HLA-DQA1: variants seen among roughly 807,000 people sequenced by gnomAD.
HLA-DQA1 encodes the protein HLA class II histocompatibility antigen, DQ alpha 1 chain.
Under a neutral mutation model 20.7 loss-of-function variants are expected in HLA-DQA1, and 10 were observed. The ratio of observed to expected loss-of-function variants is 0.48; its 90% CI spans 0.30 to 0.82. The LOEUF is 0.82. Ranked by LOEUF, HLA-DQA1 falls within the 40% of genes least tolerant of loss-of-function variation. The probability of loss-of-function intolerance (pLI) is 0.07; values close to 1 mark genes in which losing one functional copy is unlikely to be tolerated. For missense variants in HLA-DQA1, 127 were observed against 293.0 expected (o/e 0.43, Z 4.14); for synonymous variants, 39 against 109.2 (o/e 0.36, Z 4.01).
chr6:32,644,177 G>C (rs1781718070), downstream of HLA-DQA1: 1 of 150,732 alleles, frequency 6.6e-6, no homozygotes, highest in African/African-American at 2.4e-5. Context: ...TCCTCCACTG[G>C]ATTCGCCATC....
downstream of HLA-DQA1, among the ~76,000 whole-genome samples, chr6:32,647,845 T>C (rs1292315911): frequency 6.6e-6 from 1 of 151,996 alleles, no homozygotes. Context: ...TGGAGTACCA[T>C]TATAGCAATA....
downstream of HLA-DQA1, among the ~76,000 whole-genome samples, chr6:32,650,844 TATAATAATA>T (rs199519440): frequency 2.9e-3 from 182 of 63,598 alleles, 50 homozygotes; most frequent in South Asian, 0.038. Flanking sequence ...GAGCTTAAAG[TATAATAATA>T]ATAATAATAA....
intron 1 of HLA-DQA1, chr6:32,639,323 T>C (rs1479270085): frequency 7.9e-6 from 1 of 127,090 alleles, no homozygotes; most frequent in Non-Finnish European, 1.7e-5. Flanking sequence ...TATATTGTCT[T>C]TATACCAATT....
In HLA-DQA1 at chr6:32,643,462, G is replaced by T; in HGVS notation, c.*531G>T. ...ACATTAATATTTCTTGCTTCCTTGT[G>T]TTCCCACCCTTGGCACTGCCACCCA... On this transcript the variant is annotated 3_prime_UTR_variant, in exon 5 of 5. Transcript: ENST00000343139. 1 of 215,674 alleles carries T rather than the reference G, an allele frequency of 4.6e-6. No homozygotes were observed. The highest frequency in any genetic ancestry group is 9.4e-6 in the Non-Finnish European group (1 of 105,888). The allele number at this position is 215,674 out of a possible 1,614,324, so 13.4% of individuals were successfully genotyped here.
At chr6:32,653,982 C>T in the HLA-DQA1 span, among the ~76,000 whole-genome samples, 4 of 88,720 alleles carry the variant, frequency 4.5e-5, 1 homozygote, top group Non-Finnish European at 9.7e-5. Context: ...GTAGGGAGGG[C>T]GACAAGGAGG....
downstream of HLA-DQA1, among the ~76,000 whole-genome samples, chr6:32,647,675 G>A (rs561575493): frequency 2.2e-4 from 33 of 152,206 alleles, no homozygotes; most frequent in South Asian, 6.0e-3. Flanking sequence ...TCCTTCCTAA[G>A]TCTATGGGAA....
At chr6:32,649,904 T>C (rs1782110295), downstream of HLA-DQA1, among the ~76,000 whole-genome samples, 2 of 42,716 alleles carry the variant, frequency 4.7e-5, 1 homozygote, top group Admixed American at 7.0e-4. Flanking sequence ...ACAGGCAACC[T>C]ACAGAATGGG....
chr6:32,638,428 T>C lies in HLA-DQA1; in HGVS notation c.82+888T>C, dbSNP rs576790427. 1.2e-3 allele frequency among the ~76,000 whole-genome samples: 134 copies of C among 114,854 alleles called. 26 individuals are homozygous for C. Among genetic ancestry groups the C allele is most frequent in the Middle Eastern group, 0.011 (2 of 174 alleles). 75.3% of individuals were successfully genotyped at this position (114,854 alleles called of 152,430 possible). A position where few individuals can be genotyped will look rare whatever the true frequency, so the allele number is the denominator to read the frequency against. On this transcript the variant is annotated intron_variant, in intron 1 of 4. Coordinates refer to ENST00000343139, the MANE Select transcript of HLA-DQA1 (RefSeq NM_002122.5). Reference sequence around the variant, plus strand: ...GGCTCATGCCTGTAATCCCAGCACTTTGGGAGGCCGAGGCAGGAGGATCAT... The same window carrying C: ...GGCTCATGCCTGTAATCCCAGCACTCTGGGAGGCCGAGGCAGGAGGATCAT...
chr6:32,649,828 T>C (rs1188969702), downstream of HLA-DQA1, among the ~76,000 whole-genome samples: 49 of 94,710 alleles, frequency 5.2e-4, 15 homozygotes, highest in African/African-American at 1.5e-3. Context: ...AAAGCCAAAA[T>C]TGACAAATGG....
downstream of HLA-DQA1, among the ~76,000 whole-genome samples, chr6:32,651,322 A>C (rs574576046): frequency 1.1e-4 from 10 of 88,974 alleles, 3 homozygotes; most frequent in African/African-American, 2.3e-4. Flanking sequence ...TGGTGGCCCA[A>C]GCCTGTAATC....
downstream of HLA-DQA1, among the ~76,000 whole-genome samples, chr6:32,651,172 C>A: frequency 1.3e-5 from 1 of 76,186 alleles, no homozygotes; most frequent in Non-Finnish European, 2.8e-5. Context: ...CAGGCCTGAG[C>A]CACCACACCC....
chr6:32,642,067 G>T lies in HLA-DQA1; in HGVS notation c.427G>T (p.Val143Phe). 1 of 1,290,674 alleles carries T rather than the reference G, an allele frequency of 7.7e-7. No individual in the cohort carries two copies. The highest frequency in any genetic ancestry group is 1.1e-6 in the Non-Finnish European group (1 of 919,270). 80.0% of individuals were successfully genotyped at this position (1,290,674 alleles called of 1,614,324 possible). Residue 143 changes from valine (V) to phenylalanine (F), a missense_variant, in exon 3 of 5, where the codon GTC becomes TTC. Around this residue, in one of 4 missense-constraint regions of HLA-DQA1, gnomAD observed 46 missense variants for 152.1 expected, o/e 0.30. Coordinates refer to ENST00000343139, the MANE Select transcript of HLA-DQA1 (RefSeq NM_002122.5). Reference protein sequence around the residue: ...CLVDNIFPPVVNITWLSNGQS... With the variant: ...CLVDNIFPPVFNITWLSNGQS... ...TGTGGACAACATCTTTCCTCCTGTG[G>T]TCAACATCACATGGCTGAGCAATGG...
downstream of HLA-DQA1, among the ~76,000 whole-genome samples, chr6:32,651,588 C>CAAAAAAAAAAAAAAAAAAAA (rs70996710): frequency 1.4e-3 from 21 of 15,260 alleles, 1 homozygote; most frequent in Admixed American, 2.8e-3. Context: ...CGTCTCAAAG[C>CAAAAAAAAAAAAAAAAAAAA]AAAAAAAAAA....
chr6:32,641,677 TC>T, intron 2 of HLA-DQA1, 119 bp downstream of exon 2: 1 of 625,184 alleles, frequency 1.6e-6, no homozygotes, highest in Non-Finnish European at 2.6e-6. Flanking sequence ...TTTTATCATC[TC>T]CCATCTCTAA....
rs1781294561 is a variant in HLA-DQA1, at chr6:32,640,493, A to AG, written c.83-815dup. 3.5e-5 allele frequency among the ~76,000 whole-genome samples: 2 copies of AG among 56,486 alleles called. 1 individual carries two copies. Among genetic ancestry groups the AG allele is most frequent in the African/African-American group, 1.0e-4 (2 of 19,464 alleles). 37.1% of individuals were successfully genotyped at this position (56,486 alleles called of 152,430 possible). ...CTCAGACAAGCACACTGCCCATTAG[A>AG]GGAAAAAGTGTGATATAAGTGTTGA... On this transcript the variant is annotated intron_variant, in intron 1 of 4. Transcript: ENST00000343139.
chr6:32,650,651 G>A (rs1479783995), downstream of HLA-DQA1, among the ~76,000 whole-genome samples: 1 of 87,960 alleles, frequency 1.1e-5, no homozygotes, highest in Non-Finnish European at 2.5e-5. Context: ...GTTGAACAAT[G>A]AGAACACATG....
At chr6:32,644,225 G>T (rs1247424083), downstream of HLA-DQA1, 6 of 151,698 alleles carry the variant, frequency 4.0e-5, no homozygotes, top group South Asian at 1.3e-3. Context: ...TGGGTCAGCA[G>T]CGACCTCATG....
intron 2 of HLA-DQA1, 51 bp from the exon 3 acceptor site, chr6:32,641,921 T>C (rs9272739): frequency 0.14 from 114,908 of 800,558 alleles, 31,819 homozygotes; most frequent in Middle Eastern, 0.25. Context: ...AATGCAGAAC[T>C]TCAGGGCAGA....
At chr6:32,652,605 A>C in the HLA-DQA1 span, among the ~76,000 whole-genome samples, 1 of 151,410 alleles carries the variant, frequency 6.6e-6, no homozygotes, top group South Asian at 2.1e-4. Flanking sequence ...GCTACGAGCA[A>C]AGCCCAAGGA....
Sources: allele counts gnomAD v4.1 joint callset (sites outside exome capture counted in the v4.1 genomes callset), GRCh38; gene constraint gnomAD v4.1.1; regional missense constraint gnomAD v4.1.1; transcripts MANE v1.5; gene names NCBI Gene and HGNC (gene_info 2026-07-23, HGNC 2026-07-21).